CCSER1: variants seen among roughly 807,000 people sequenced by gnomAD.
The protein encoded by CCSER1 is serine-rich coiled-coil domain-containing protein 1.
CCSER1 carries 41 observed loss-of-function variants against 82.0 expected under a neutral mutation model. That is an observed-to-expected ratio of 0.50 (90% CI 0.39 to 0.65). The LOEUF is 0.65. Ranked by LOEUF, CCSER1 falls within the 30% of genes least tolerant of loss-of-function variation. The probability of loss-of-function intolerance (pLI) is 0.00; values close to 1 mark genes in which losing one functional copy is unlikely to be tolerated. For synonymous variants in CCSER1, 414 were observed against 383.9 expected, an observed-to-expected ratio of 1.08 and a Z score of -0.92; for missense variants, 1,119 against 1,064.2, an observed-to-expected ratio of 1.05 and a Z score of -0.72.
intron 1 of CCSER1, among the ~76,000 whole-genome samples, chr4:90,196,558 C>T (rs1174293605): frequency 6.6e-6 from 1 of 151,718 alleles, no homozygotes; most frequent in Non-Finnish European, 1.5e-5. Flanking sequence ...GAGCTGGAGT[C>T]TTTCTGGATA....
At chr4:91,398,434 A>C (rs890808457) in intron 10 of CCSER1, among the ~76,000 whole-genome samples, 2 of 151,950 alleles carry the variant, frequency 1.3e-5, no homozygotes, top group African/African-American at 4.8e-5. Flanking sequence ...AAAATACTTT[A>C]AATTAAAAGT....
At chr4:90,669,282 CTT>C (rs1293975509) in intron 6 of CCSER1, among the ~76,000 whole-genome samples, 13 of 151,944 alleles carry the variant, frequency 8.6e-5, no homozygotes, top group African/African-American at 2.4e-4. Flanking sequence ...AAAATAAAAA[CTT>C]ATTAAAATAT....
chr4:90,218,475 A>T (rs1047868041), intron 1 of CCSER1, among the ~76,000 whole-genome samples: 1 of 152,226 alleles, frequency 6.6e-6, no homozygotes, highest in African/African-American at 2.4e-5. Flanking sequence ...AAAAATTGAA[A>T]AAAGAGAGAT....
intron 10 of CCSER1, among the ~76,000 whole-genome samples, chr4:91,515,132 T>C (rs1760034436): frequency 6.6e-6 from 1 of 152,196 alleles, no homozygotes; most frequent in Non-Finnish European, 1.5e-5. Context: ...CCTATTATTT[T>C]AAAACTGTTT....
At chr4:90,254,761 T>C (rs1722968714) in intron 1 of CCSER1, among the ~76,000 whole-genome samples, 1 of 152,114 alleles carries the variant, frequency 6.6e-6, no homozygotes. Flanking sequence ...CCATAGACTG[T>C]CACTTATTGA....
intron 1 of CCSER1, among the ~76,000 whole-genome samples, chr4:90,197,416 A>G (rs1009447586): frequency 1.3e-5 from 2 of 152,098 alleles, no homozygotes; most frequent in African/African-American, 2.4e-5. Context: ...TGATTCAGCA[A>G]TCTCATTACT....
chr4:90,616,346 G>A (rs909148970), intron 5 of CCSER1, among the ~76,000 whole-genome samples: 2 of 151,938 alleles, frequency 1.3e-5, no homozygotes, highest in African/African-American at 4.8e-5. Flanking sequence ...AAAATTTCCA[G>A]TATGTTACAC....
At chr4:91,150,351 G>A (rs1404144302) in intron 10 of CCSER1, among the ~76,000 whole-genome samples, 2 of 152,190 alleles carry the variant, frequency 1.3e-5, no homozygotes, top group Non-Finnish European at 2.9e-5. Context: ...CTTTGCTGAA[G>A]TTGCTTATCA....
intron 10 of CCSER1, among the ~76,000 whole-genome samples, chr4:91,486,245 TA>T (rs1218270688): frequency 1.3e-5 from 2 of 152,044 alleles, no homozygotes; most frequent in African/African-American, 2.4e-5. Context: ...AAATTACTTT[TA>T]AATTATAGGG....
intron 9 of CCSER1, among the ~76,000 whole-genome samples, chr4:90,978,529 A>G (rs1206334392): frequency 6.6e-6 from 1 of 151,762 alleles, no homozygotes; most frequent in Admixed American, 6.6e-5. Flanking sequence ...TTATGTTACA[A>G]TAATCTAATT....
intron 4 of CCSER1, among the ~76,000 whole-genome samples, chr4:90,428,909 G>T (rs915731935): frequency 1.3e-5 from 2 of 151,732 alleles, no homozygotes; most frequent in Admixed American, 1.3e-4. Flanking sequence ...ATATAATGTG[G>T]TATACTGGCT....
At chr4:90,130,627 T>G (rs571227565) in intron 1 of CCSER1, among the ~76,000 whole-genome samples, 1 of 152,272 alleles carries the variant, frequency 6.6e-6, no homozygotes, top group Admixed American at 6.5e-5. Context: ...CTATTCTTTT[T>G]TTTTGTTTGT....
At chr4:90,662,776 C>A (rs953529968) in intron 6 of CCSER1, among the ~76,000 whole-genome samples, 2 of 152,106 alleles carry the variant, frequency 1.3e-5, no homozygotes, top group African/African-American at 4.8e-5. Flanking sequence ...TTTCATTACG[C>A]TCTTGTCTTT....
chr4:90,532,829 T>G (rs1579003931), intron 5 of CCSER1, among the ~76,000 whole-genome samples: 1 of 152,126 alleles, frequency 6.6e-6, no homozygotes, highest in East Asian at 1.9e-4. Context: ...CGACTTGTAC[T>G]TTGAGTAGCT....
intron 9 of CCSER1, among the ~76,000 whole-genome samples, chr4:90,988,715 T>G (rs1013218081): frequency 6.6e-6 from 1 of 151,814 alleles, no homozygotes; most frequent in African/African-American, 2.4e-5. Flanking sequence ...TTGTTTCATT[T>G]TCATTATTGA....
intron 5 of CCSER1, among the ~76,000 whole-genome samples, chr4:90,485,295 A>G (rs1159161195): frequency 6.6e-6 from 1 of 152,150 alleles, no homozygotes; most frequent in Non-Finnish European, 1.5e-5. Flanking sequence ...TGACTAGGAA[A>G]GTGAATTCCC....
intron 1 of CCSER1, among the ~76,000 whole-genome samples, chr4:90,294,352 A>G (rs917075538): frequency 2.0e-5 from 3 of 152,034 alleles, no homozygotes; most frequent in Non-Finnish European, 4.4e-5. Flanking sequence ...TCTCCATAAA[A>G]AGGAAAAAAA....
chr4:90,323,943 G>A (rs941259808), intron 3 of CCSER1, among the ~76,000 whole-genome samples: 2 of 152,060 alleles, frequency 1.3e-5, no homozygotes, highest in Non-Finnish European at 2.9e-5. Context: ...TCTTGCGATA[G>A]TTTACTGAGA....
At chr4:90,132,254 G>A (rs1284213824) in intron 1 of CCSER1, among the ~76,000 whole-genome samples, 1 of 152,108 alleles carries the variant, frequency 6.6e-6, no homozygotes, top group South Asian at 2.1e-4. Flanking sequence ...TATGTCACAG[G>A]TGTATCATTT....
Sources: gnomAD v4.1 joint callset for allele counts (sites outside exome capture counted in the v4.1 genomes callset) on GRCh38, gnomAD v4.1.1 for gene constraint, MANE v1.5 for transcripts, NCBI Gene and HGNC (gene_info 2026-07-23, HGNC 2026-07-21) for gene names.